MTMR2: variants seen among roughly 807,000 people sequenced by gnomAD.
MTMR2 encodes the protein myotubularin related protein 2, also known as phosphatidylinositol-3,5-bisphosphate 3-phosphatase MTMR2.
Under a neutral mutation model 86.9 loss-of-function variants are expected in MTMR2, and 55 were observed. The observed-to-expected ratio is 0.63, with a 90% CI of 0.51 to 0.79. MTMR2 has a LOEUF of 0.79. Ranked by LOEUF, MTMR2 falls within the 30% of genes least tolerant of loss-of-function variation. MTMR2 has a pLI of 0.00. For missense variants in MTMR2, 659 were observed against 772.3 expected (o/e 0.85, Z 1.74); for synonymous variants, 241 against 266.8 (o/e 0.90, Z 0.94).
At chr11:95,915,629 G>A (rs1191955893) in intron 1 of MTMR2, among the ~76,000 whole-genome samples, 1 of 152,100 alleles carries the variant, frequency 6.6e-6, no homozygotes, top group African/African-American at 2.4e-5. Flanking sequence ...AATTAAAATG[G>A]TCAGCTTTAT....
intron 3 of MTMR2, among the ~76,000 whole-genome samples, chr11:95,864,075 C>T (rs1272311539): frequency 1.3e-5 from 2 of 152,144 alleles, no homozygotes; most frequent in East Asian, 1.9e-4. Flanking sequence ...TGGAGTTAAA[C>T]GTGATGATTT....
chr11:95,909,504 A>G (rs1270287141), intron 1 of MTMR2, among the ~76,000 whole-genome samples: 1 of 152,144 alleles, frequency 6.6e-6, no homozygotes, highest in Non-Finnish European at 1.5e-5. Context: ...ATCACATCCA[A>G]ATATTCCACA....
At chr11:95,854,251 C>T (rs1864128928) in intron 7 of MTMR2, among the ~76,000 whole-genome samples, 1 of 152,144 alleles carries the variant, frequency 6.6e-6, no homozygotes, top group Non-Finnish European at 1.5e-5. Context: ...TATATATCTA[C>T]TCTCCAAGCA....
intron 1 of MTMR2, chr11:95,912,902 CCTA>C (rs1417012267): frequency 2.6e-5 from 4 of 151,964 alleles, no homozygotes; most frequent in Non-Finnish European, 5.9e-5. Context: ...TTATCAAGCA[CCTA>C]CTATTTGCAA....
chr11:95,912,639 A>G (rs1866554385), intron 1 of MTMR2, among the ~76,000 whole-genome samples: 1 of 151,884 alleles, frequency 6.6e-6, no homozygotes, highest in South Asian at 2.1e-4. Flanking sequence ...AAATATACAC[A>G]ATACTAAAAC....
At chr11:95,913,457 T>C (rs980181750) in intron 1 of MTMR2, among the ~76,000 whole-genome samples, 3 of 152,152 alleles carry the variant, frequency 2.0e-5, no homozygotes. Context: ...AGCATTTGGA[T>C]GGGTGGTTCT....
At position 95,835,196 on chromosome 11, in the gene MTMR2, A is replaced by G. The variant is rs1005974577; in HGVS notation, c.*94T>C. 5 of 1,295,232 alleles carry G rather than the reference A, an allele frequency of 3.9e-6. No individual in the cohort carries two copies. The African/African-American group carries it at 7.3e-5, about 19-fold the overall frequency. 80.2% of individuals were successfully genotyped at this position (1,295,232 alleles called of 1,614,324 possible). A position where few individuals can be genotyped will look rare whatever the true frequency, so the allele number is the denominator to read the frequency against. On this transcript the variant is annotated 3_prime_UTR_variant, in exon 15 of 15. Transcript: ENST00000346299. ...AAATAAAGTGACTGAACTTTCTCTCATAGATGGGTTCTAAATTCCGAAGAC... is the reference window on the plus strand; with the variant it reads ...AAATAAAGTGACTGAACTTTCTCTCGTAGATGGGTTCTAAATTCCGAAGAC...
At chr11:95,892,365 G>A (rs576672675) in intron 1 of MTMR2, among the ~76,000 whole-genome samples, 1 of 152,180 alleles carries the variant, frequency 6.6e-6, no homozygotes, top group South Asian at 2.1e-4. Context: ...TCTTCCAGTT[G>A]GAACTAAACT....
chr11:95,850,820 C>T, intron 7 of MTMR2, 71 bp from the exon 8 acceptor site: 3 of 1,424,222 alleles, frequency 2.1e-6, no homozygotes, highest in Admixed American at 3.4e-5. Context: ...GGACAGAAGC[C>T]ATCCTGTTCA....
At chr11:95,835,557 A>G (rs1038605968) in intron 14 of MTMR2, 106 bp from the exon 15 acceptor site, 21 of 1,130,668 alleles carry the variant, frequency 1.9e-5, no homozygotes, top group Admixed American at 1.4e-4. Flanking sequence ...GTTGGAACCA[A>G]TGGCACCTTT....
At chr11:95,865,160 G>C (rs1050383712) in intron 3 of MTMR2, among the ~76,000 whole-genome samples, 2 of 152,114 alleles carry the variant, frequency 1.3e-5, no homozygotes, top group African/African-American at 4.8e-5. Flanking sequence ...ACTTTATTCA[G>C]AGAAGAAAGA....
intron 7 of MTMR2, among the ~76,000 whole-genome samples, chr11:95,852,558 C>T (rs1864060730): frequency 6.6e-6 from 1 of 152,148 alleles, no homozygotes; most frequent in African/African-American, 2.4e-5. Context: ...TATAATTAGC[C>T]TGGTCCCATC....
At chr11:95,903,746 A>T (rs1424045792) in intron 1 of MTMR2, among the ~76,000 whole-genome samples, 1 of 152,022 alleles carries the variant, frequency 6.6e-6, no homozygotes, top group Non-Finnish European at 1.5e-5. Context: ...TCCAACTATA[A>T]CCTGTGTGCA....
At chr11:95,841,523 T>C (rs1224310898) in intron 12 of MTMR2, 94 bp downstream of exon 12, 2 of 883,542 alleles carry the variant, frequency 2.3e-6, no homozygotes, top group African/African-American at 3.3e-5. Context: ...AATTTCCATT[T>C]AATGATCTAT....
chr11:95,868,273 T>TAAAAAAA (rs555618890), intron 2 of MTMR2, among the ~76,000 whole-genome samples: 2 of 42,220 alleles, frequency 4.7e-5, no homozygotes, highest in African/African-American at 9.5e-5. Context: ...GACCCTGTGC[T>TAAAAAAA]AAAAAAAAAA....
chr11:95,922,071 T>C (rs966250691), intron 1 of MTMR2, among the ~76,000 whole-genome samples: 9 of 152,212 alleles, frequency 5.9e-5, no homozygotes, highest in Admixed American at 5.9e-4. Flanking sequence ...AATGCATTCA[T>C]CTTAGTATTG....
chr11:95,859,486 G>A (rs1864327791), intron 5 of MTMR2, among the ~76,000 whole-genome samples: 1 of 152,076 alleles, frequency 6.6e-6, no homozygotes, highest in Non-Finnish European at 1.5e-5. Flanking sequence ...AAAGCAAGAG[G>A]GACACTTGAG....
At chr11:95,913,834 A>G (rs1383433973) in intron 1 of MTMR2, among the ~76,000 whole-genome samples, 1 of 152,166 alleles carries the variant, frequency 6.6e-6, no homozygotes, top group African/African-American at 2.4e-5. Flanking sequence ...GCTAAGAAAC[A>G]TACAAAACAG....
At chr11:95,872,025 G>A (rs555475235) in intron 2 of MTMR2, among the ~76,000 whole-genome samples, 1 of 152,144 alleles carries the variant, frequency 6.6e-6, no homozygotes, top group African/African-American at 2.4e-5. Context: ...TGTCAGGTTT[G>A]TCAAAGATCA....
Sources: allele counts gnomAD v4.1 joint callset (sites outside exome capture counted in the v4.1 genomes callset), GRCh38; gene constraint gnomAD v4.1.1; transcripts MANE v1.5; gene names NCBI Gene and HGNC (gene_info 2026-07-23, HGNC 2026-07-21).